ARHGAP12: variants seen among roughly 807,000 people sequenced by gnomAD.
ARHGAP12 encodes Rho GTPase activating protein 12.
In ARHGAP12, 64 loss-of-function variants were observed where a neutral mutation model predicts 108.6. The observed-to-expected ratio is 0.59, with a 90% CI of 0.48 to 0.73. The LOEUF (loss-of-function observed/expected upper bound fraction) is 0.73, where lower values mean the gene tolerates loss of function less well. Ranked by LOEUF, ARHGAP12 falls within the 30% of genes least tolerant of loss-of-function variation. ARHGAP12 has a pLI of 0.00. For synonymous variants in ARHGAP12, 312 were observed against 337.2 expected (o/e 0.93, Z 0.82); for missense variants, 940 against 1,005.9 (o/e 0.93, Z 0.89).
intron 9 of ARHGAP12, among the ~76,000 whole-genome samples, chr10:31,836,610 T>C (rs369139093): frequency 6.6e-6 from 1 of 152,110 alleles, no homozygotes; most frequent in Non-Finnish European, 1.5e-5. Flanking sequence ...GATGATGGTA[T>C]CATTTCCACT....
chr10:31,830,848 A>AT (rs1178789567), intron 10 of ARHGAP12, among the ~76,000 whole-genome samples: 3 of 152,194 alleles, frequency 2.0e-5, no homozygotes, highest in Non-Finnish European at 4.4e-5. Context: ...TAAAAATATC[A>AT]TTTTCTCTCT....
chr10:31,824,934 T>C (rs1275326001), intron 11 of ARHGAP12, among the ~76,000 whole-genome samples: 2 of 152,134 alleles, frequency 1.3e-5, no homozygotes, highest in Non-Finnish European at 2.9e-5. Context: ...AAAGAAACAA[T>C]TACACAGTCC....
chr10:31,810,619 T>A, intron 16 of ARHGAP12, 30 bp downstream of exon 16: 1 of 1,308,058 alleles, frequency 7.6e-7, no homozygotes, highest in Non-Finnish European at 1.0e-6. Flanking sequence ...TGCTTAATGT[T>A]AAAAAAAAAA....
intron 3 of ARHGAP12, among the ~76,000 whole-genome samples, chr10:31,881,187 A>G (rs1554784899): frequency 1.3e-5 from 2 of 152,110 alleles, no homozygotes; most frequent in Non-Finnish European, 2.9e-5. Context: ...TTACCACATC[A>G]GTTTTCCATC....
intron 3 of ARHGAP12, among the ~76,000 whole-genome samples, chr10:31,886,844 A>G (rs1163442970): frequency 2.0e-5 from 3 of 152,214 alleles, no homozygotes; most frequent in Non-Finnish European, 4.4e-5. Context: ...AGCTACCAGA[A>G]TAACTGGCCC....
chr10:31,911,007 T>A (rs1392637160), intron 1 of ARHGAP12, among the ~76,000 whole-genome samples: 1 of 152,132 alleles, frequency 6.6e-6, no homozygotes, highest in Non-Finnish European at 1.5e-5. Context: ...TACTTCCTAA[T>A]TATTTTATTT....
In ARHGAP12 at chr10:31,806,859, A is replaced by G. The variant is rs1834838639; in HGVS notation, c.*799T>C. The G allele has an allele frequency of 6.6e-6, 1 of 152,478 alleles. No individual in the cohort carries two copies. Among genetic ancestry groups the G allele is most frequent in the Non-Finnish European group, 1.5e-5 (1 of 68,002 alleles). The allele number at this position is 152,478 out of a possible 1,614,324, so 9.4% of individuals were successfully genotyped here. A position where few individuals can be genotyped will look rare whatever the true frequency, so the allele number is the denominator to read the frequency against. ...TTATATACACAAGCTAAAGGACATT[A>G]AGTCTTTAGCCTATATTTACATAAA... is the stretch of plus-strand genomic sequence containing the variant. On this transcript the variant is annotated 3_prime_UTR_variant, in exon 20 of 20. Transcript: ENST00000344936.
chr10:31,891,125 T>C (rs1465041143), intron 3 of ARHGAP12, among the ~76,000 whole-genome samples: 2 of 152,216 alleles, frequency 1.3e-5, no homozygotes, highest in African/African-American at 4.8e-5. Flanking sequence ...GAACCCATTA[T>C]ACTATGATAA....
chr10:31,866,808 G>T (rs952608026), intron 3 of ARHGAP12, among the ~76,000 whole-genome samples: 30 of 151,850 alleles, frequency 2.0e-4, no homozygotes, highest in Non-Finnish European at 3.8e-4. Context: ...GTAGAGACAG[G>T]ATTTCTCCAT....
At chr10:31,832,013 T>A (rs991002761) in intron 9 of ARHGAP12, among the ~76,000 whole-genome samples, 1 of 152,220 alleles carries the variant, frequency 6.6e-6, no homozygotes, top group Non-Finnish European at 1.5e-5. Context: ...TAAACACTTC[T>A]TTTTCTCCTT....
intron 5 of ARHGAP12, 32 bp downstream of exon 5, chr10:31,854,033 CA>C (rs768461816): frequency 1.3e-6 from 2 of 1,575,470 alleles, no homozygotes; most frequent in South Asian, 1.2e-5. Flanking sequence ...AGAATTCTGC[CA>C]AAAAACACTA....
chr10:31,839,065 T>C (rs996138550), intron 9 of ARHGAP12, among the ~76,000 whole-genome samples: 1 of 152,022 alleles, frequency 6.6e-6, no homozygotes, highest in Non-Finnish European at 1.5e-5. Flanking sequence ...TGAAGGGGAA[T>C]AGCATGATCA....
At chr10:31,918,198 T>A (rs1839640381) in intron 1 of ARHGAP12, among the ~76,000 whole-genome samples, 1 of 152,018 alleles carries the variant, frequency 6.6e-6, no homozygotes, top group South Asian at 2.1e-4. Context: ...CTCACAACAT[T>A]TTTGACTTAT....
chr10:31,827,922 C>T (rs1362169414), intron 10 of ARHGAP12, among the ~76,000 whole-genome samples: 1 of 151,484 alleles, frequency 6.6e-6, no homozygotes, highest in African/African-American at 2.4e-5. Flanking sequence ...TCTAGTTGAA[C>T]TTTATGGATT....
At position 31,883,600 on chromosome 10, in the gene ARHGAP12, A is replaced by G. The variant is rs116547871; in HGVS notation, c.685-21942T>C. Among the ~76,000 whole-genome samples the G allele has an allele frequency of 8.3e-3, 1,266 of 152,330 alleles. 13 individuals are homozygous for G. The highest frequency in any genetic ancestry group is 0.029 in the African/African-American group (1,185 of 41,566). On this transcript the variant is annotated intron_variant, in intron 3 of 19. Coordinates refer to ENST00000344936, the MANE Select transcript of ARHGAP12 (RefSeq NM_018287.7). ...TCCTCTTTCCATCCTTACCGGAGAC[A>G]TAAGTCTCACTTCTTGTCATTCCCA...
At chr10:31,819,072 G>T (rs1335139728) in intron 12 of ARHGAP12, among the ~76,000 whole-genome samples, 2 of 151,798 alleles carry the variant, frequency 1.3e-5, no homozygotes, top group African/African-American at 4.8e-5. Context: ...CAAAAAAATT[G>T]TAATTATCTA....
At position 31,805,648 on chromosome 10, in the gene ARHGAP12, TCACACACACACACACA is replaced by T. The variant is rs3028478; in HGVS notation, c.*1994_*2009del. On this transcript the variant is annotated 3_prime_UTR_variant, in exon 20 of 20. Transcript: ENST00000344936. Reference sequence around the variant, plus strand: ...GTAGACTAATAAAACATTTAAGACTTCACACACACACACACACACACACACACACACACACACGTAC... The same window carrying T: ...GTAGACTAATAAAACATTTAAGACTTCACACACACACACACACACACGTAC... 4.2e-5 allele frequency: 6 copies of T among 144,090 alleles called. No homozygotes were observed. The highest frequency in any genetic ancestry group is 8.0e-5 in the African/African-American group (3 of 37,716). 8.9% of individuals were successfully genotyped at this position (144,090 alleles called of 1,614,324 possible). A position where few individuals can be genotyped will look rare whatever the true frequency, so the allele number is the denominator to read the frequency against.
chr10:31,839,999 C>T (rs1193684898), intron 7 of ARHGAP12, among the ~76,000 whole-genome samples: 2 of 151,974 alleles, frequency 1.3e-5, no homozygotes, highest in Non-Finnish European at 2.9e-5. Context: ...GATGTTATAT[C>T]AGTTTGAATT....
chr10:31,888,569 A>G (rs1838273307), intron 3 of ARHGAP12, among the ~76,000 whole-genome samples: 1 of 152,234 alleles, frequency 6.6e-6, no homozygotes, highest in Non-Finnish European at 1.5e-5. Flanking sequence ...CTGACAGTGA[A>G]CAAGGCCCTA....
Sources: gnomAD v4.1 joint callset for allele counts (sites outside exome capture counted in the v4.1 genomes callset) on GRCh38, gnomAD v4.1.1 for gene constraint, MANE v1.5 for transcripts, NCBI Gene and HGNC (gene_info 2026-07-23, HGNC 2026-07-21) for gene names.